Variants in C5orf34 observed in about 807,000 individuals in gnomAD.
C5orf34 encodes the protein chromosome 5 open reading frame 34.
A neutral mutation model predicts 78.4 loss-of-function variants in C5orf34; 73 were observed. The observed-to-expected ratio is 0.93, with a 90% CI of 0.77 to 1.13. The LOEUF (loss-of-function observed/expected upper bound fraction) is 1.13. Among genes scored for constraint, C5orf34 ranks in the 50% most tolerant of loss-of-function variants. C5orf34 has a pLI of 0.00. For missense variants in C5orf34, 730 were observed against 732.7 expected (o/e 1.00, Z 0.04); for synonymous variants, 251 against 246.6 (o/e 1.02, Z -0.17).
intron 10 of C5orf34, 44 bp downstream of exon 10, chr5:43,492,170 TA>T (rs757635629): frequency 7.5e-7 from 1 of 1,325,650 alleles, no homozygotes. Context: ...CTCTGTTAGT[TA>T]AAAGTAAAAC....
intron 1 of C5orf34, among the ~76,000 whole-genome samples, chr5:43,511,836 T>C (rs1421489047): frequency 1.3e-5 from 2 of 152,100 alleles, no homozygotes; most frequent in Non-Finnish European, 2.9e-5. Flanking sequence ...GGCAGCATGC[T>C]CGTTAAGAGT....
In C5orf34 at chr5:43,486,993, A is replaced by G. The variant is rs1579849126; in HGVS notation, c.1839T>C (p.Asn613=). The G allele has an allele frequency of 1.3e-6, 2 of 1,590,702 alleles. No homozygotes were observed. The highest frequency in any genetic ancestry group is 2.3e-5 in the East Asian group (1 of 43,478). Residue 613 remains asparagine (N), a synonymous_variant, in exon 13 of 13, where the codon AAT becomes AAC. Transcript: ENST00000306862. ...SETLLGEVNE[N]RVSIALKKTS... is the part of the protein sequence containing the mutation. ...TTTTTTTCAATGCTATTGATACTCT[A>G]TTTTCATTAACTTCTCCTAGCAAGG...
At chr5:43,501,912 T>C (rs776730746) in intron 6 of C5orf34, among the ~76,000 whole-genome samples, 1 of 152,212 alleles carries the variant, frequency 6.6e-6, no homozygotes, top group East Asian at 1.9e-4. Context: ...AATTATACCA[T>C]GTTATGTTTC....
At chr5:43,504,515 A>T (rs972561051) in intron 4 of C5orf34, among the ~76,000 whole-genome samples, 5 of 152,168 alleles carry the variant, frequency 3.3e-5, no homozygotes, top group Admixed American at 2.6e-4. Flanking sequence ...CACTCTAAAG[A>T]AGTTAGGTTT....
chr5:43,493,529 T>C lies in C5orf34; in HGVS notation c.1314+14A>G. 2 of 1,435,678 alleles carry C rather than the reference T, an allele frequency of 1.4e-6. No homozygotes were observed. Among genetic ancestry groups the C allele is most frequent in the East Asian group, 2.3e-5 (1 of 42,890 alleles). The allele number at this position is 1,435,678 out of a possible 1,614,324, so 88.9% of individuals were successfully genotyped here. On this transcript the variant is annotated intron_variant, in intron 8 of 12. Coordinates refer to ENST00000306862, the MANE Select transcript of C5orf34 (RefSeq NM_198566.4). ...ATTTAAAAATATCTTGCTTTTAAAA[T>C]AATTTTAACATACCATTTTCCAGCA...
At chr5:43,504,841 C>A (rs1002480886) in intron 4 of C5orf34, among the ~76,000 whole-genome samples, 1 of 152,152 alleles carries the variant, frequency 6.6e-6, no homozygotes, top group Admixed American at 6.5e-5. Flanking sequence ...GATGTGTACT[C>A]GTAATACTTT....
At chr5:43,508,920 C>G (rs1561217172) in intron 2 of C5orf34, among the ~76,000 whole-genome samples, 1 of 152,162 alleles carries the variant, frequency 6.6e-6, no homozygotes, top group African/African-American at 2.4e-5. Flanking sequence ...CATAGCTAGA[C>G]AATGCTCTAC....
chr5:43,509,465 T>C (rs1579882046), intron 1 of C5orf34, 90 bp from the exon 2 acceptor site: 3 of 668,960 alleles, frequency 4.5e-6, no homozygotes, highest in Non-Finnish European at 7.2e-6. Flanking sequence ...TCTAAGAAGA[T>C]GACATTGCCA....
chr5:43,504,296 CAAA>C (rs35842237), intron 4 of C5orf34, among the ~76,000 whole-genome samples: 1 of 96,242 alleles, frequency 1.0e-5, no homozygotes, highest in African/African-American at 3.9e-5. Context: ...GAATCCATCT[CAAA>C]AAAAAAAAAA....
At chr5:43,499,795 C>T (rs1000186702) in intron 6 of C5orf34, among the ~76,000 whole-genome samples, 2 of 152,200 alleles carry the variant, frequency 1.3e-5, no homozygotes. Flanking sequence ...TATGCATCGA[C>T]ATCTACCTCA....
chr5:43,504,248 A>C (rs931316025), intron 4 of C5orf34, among the ~76,000 whole-genome samples: 1 of 151,718 alleles, frequency 6.6e-6, no homozygotes, highest in Non-Finnish European at 1.5e-5. Context: ...CGGAGGTTGC[A>C]GTGAGCTGAG....
chr5:43,512,658 T>C (rs1435547915), intron 1 of C5orf34, among the ~76,000 whole-genome samples: 3 of 152,134 alleles, frequency 2.0e-5, no homozygotes, highest in Non-Finnish European at 4.4e-5. Context: ...ATCATTCTTC[T>C]TCACCATTCC....
chr5:43,511,495 C>A (rs1312333417), intron 1 of C5orf34, among the ~76,000 whole-genome samples: 2 of 151,736 alleles, frequency 1.3e-5, no homozygotes, highest in Admixed American at 6.6e-5. Context: ...AAGTGAGGAG[C>A]CCCTCTGCCC....
intron 4 of C5orf34, 50 bp from the exon 5 acceptor site, chr5:43,503,810 GTC>G: frequency 1.7e-6 from 2 of 1,188,638 alleles, no homozygotes; most frequent in Non-Finnish European, 2.5e-6. Flanking sequence ...CAATATAATT[GTC>G]TTTAGAAGTC....
intron 6 of C5orf34, chr5:43,495,488 T>A: frequency 1.9e-6 from 3 of 1,607,266 alleles, no homozygotes; most frequent in Non-Finnish European, 2.6e-6. Flanking sequence ...ACCAGCAACG[T>A]TGCCACGACG....
Position 43,510,446 on chromosome 5 carries a change from C to T in C5orf34, c.-36-1071G>A, listed in dbSNP as rs141349269. ...GGTTTCCTCCCTCTCCCTCTCCCCA[C>T]GGTCTCCCTCTCCCTCTCTTTCTAC... On this transcript the variant is annotated intron_variant, in intron 1 of 12. Coordinates refer to ENST00000306862, the MANE Select transcript of C5orf34 (RefSeq NM_198566.4). Among the ~76,000 whole-genome samples, 312 of 152,184 alleles carry T rather than the reference C, an allele frequency of 2.1e-3. 1 individual carries two copies. Among genetic ancestry groups the T allele is most frequent in the African/African-American group, 7.1e-3 (295 of 41,504 alleles).
At chr5:43,510,200 T>C (rs1221771359) in intron 1 of C5orf34, among the ~76,000 whole-genome samples, 1 of 152,222 alleles carries the variant, frequency 6.6e-6, no homozygotes, top group Non-Finnish European at 1.5e-5. Flanking sequence ...ATTAGGCCTA[T>C]GGGAAAAGGA....
Position 43,506,042 on chromosome 5 carries a change from C to T in C5orf34, c.638G>A (p.Ser213Asn), listed in dbSNP as rs1745971247. 10 of 1,614,158 alleles carry T rather than the reference C, an allele frequency of 6.2e-6. No homozygotes were observed. Among genetic ancestry groups the T allele is most frequent in the African/African-American group, 1.3e-5 (1 of 75,044 alleles). ...MKSKETLKKM[S>N]CVNGTEGREE... The stretch of plus-strand genomic sequence containing the variant: ...CCTCCCTTCAGTTCCATTTACACAA[C>T]TCATCTTCTTTAAAGTTTCTTTGGA... The change falls in exon 4 of 13, where the codon AGT becomes AAT. Residue 213 changes from serine to asparagine, a missense_variant. Transcript: ENST00000306862.
At position 43,505,783 on chromosome 5, in the gene C5orf34, G is replaced by C; in HGVS notation, c.897C>G (p.Ala299=). The change falls in exon 4 of 13, where the codon GCC becomes GCG. Residue 299 remains alanine (A), a synonymous_variant. Transcript: ENST00000306862. ...RGKVVSVLPR[A]LSLSCPVPHL... ...GTGGGACTGGACAGCTGAGTGACAG[G>C]GCCCTGGGAAGAACAGAAACCACTT... 6.3e-7 allele frequency: 1 copy of C among 1,596,134 alleles called. No homozygotes were observed.
Sources: allele counts gnomAD v4.1 joint callset (sites outside exome capture counted in the v4.1 genomes callset), GRCh38; gene constraint gnomAD v4.1.1; transcripts MANE v1.5; gene names NCBI Gene and HGNC (gene_info 2026-07-23, HGNC 2026-07-21).